Variants in EAF2 observed in about 807,000 individuals in gnomAD.
EAF2 encodes ELL associated factor 2, also known as ELL-associated factor 2.
EAF2 carries 29 observed loss-of-function variants against 29.4 expected under a neutral mutation model. That is an observed-to-expected ratio of 0.99 (90% CI 0.73 to 1.35). EAF2 has a LOEUF of 1.35. EAF2 is among the 40% of genes most tolerant of loss of function. The pLI is 0.00. For missense variants in EAF2, 292 were observed against 312.0 expected (o/e 0.94, Z 0.48); for synonymous variants, 103 against 102.5 (o/e 1.00, Z -0.03).
At chr3:121,841,460 G>A (rs1195463408) in intron 1 of EAF2, among the ~76,000 whole-genome samples, 3 of 136,484 alleles carry the variant, frequency 2.2e-5, no homozygotes, top group Non-Finnish European at 4.6e-5. Context: ...AGCCGAAATC[G>A]CGCCACTGTA....
intron 4 of EAF2, among the ~76,000 whole-genome samples, chr3:121,863,071 G>A (rs1172220454): frequency 6.6e-6 from 1 of 152,100 alleles, no homozygotes; most frequent in African/African-American, 2.4e-5. Context: ...CGTCTCAGAG[G>A]GGCACTTGGC....
chr3:121,875,717 A>G (rs1709083653), intron 5 of EAF2, among the ~76,000 whole-genome samples: 2 of 152,030 alleles, frequency 1.3e-5, no homozygotes, highest in East Asian at 1.9e-4. Flanking sequence ...TACAGCTTTT[A>G]AAAGAATGAT....
intron 4 of EAF2, among the ~76,000 whole-genome samples, chr3:121,857,595 C>T (rs191537516): frequency 1.3e-4 from 20 of 151,658 alleles, no homozygotes; most frequent in Admixed American, 2.6e-4. Context: ...TTTGTAATTA[C>T]GCATTTTTCT....
chr3:121,883,819 T>C (rs928900025), intron 5 of EAF2, among the ~76,000 whole-genome samples: 3 of 152,250 alleles, frequency 2.0e-5, no homozygotes, highest in South Asian at 4.1e-4. Context: ...ACAGCTATGA[T>C]TGAAAACATA....
At chr3:121,846,335 A>G (rs1708528716) in intron 2 of EAF2, among the ~76,000 whole-genome samples, 1 of 152,194 alleles carries the variant, frequency 6.6e-6, no homozygotes, top group Non-Finnish European at 1.5e-5. Flanking sequence ...TCTCTCTGGA[A>G]CTGAAGGAAA....
chr3:121,859,464 C>T (rs2107523572), intron 4 of EAF2, among the ~76,000 whole-genome samples: 1 of 152,152 alleles, frequency 6.6e-6, no homozygotes, highest in Middle Eastern at 3.4e-3. Context: ...TGATTTGGCT[C>T]TCTGTTTGTT....
chr3:121,857,397 T>A (rs981295847), intron 4 of EAF2, among the ~76,000 whole-genome samples: 8 of 149,770 alleles, frequency 5.3e-5, no homozygotes, highest in Non-Finnish European at 1.2e-4. Flanking sequence ...GAGGCTGAGG[T>A]AGAAGAATCA....
chr3:121,851,360 T>C (rs116415334), intron 2 of EAF2, among the ~76,000 whole-genome samples: 1 of 151,794 alleles, frequency 6.6e-6, no homozygotes, highest in East Asian at 1.9e-4. Flanking sequence ...AGTTTTTTTT[T>C]TGTGGACACA....
At chr3:121,859,970 A>G (rs778359546) in intron 4 of EAF2, among the ~76,000 whole-genome samples, 9 of 152,168 alleles carry the variant, frequency 5.9e-5, no homozygotes, top group South Asian at 2.1e-4. Flanking sequence ...GTGATGGATT[A>G]TGTTTATTGA....
intron 5 of EAF2, among the ~76,000 whole-genome samples, chr3:121,879,611 T>C (rs1317540870): frequency 2.2e-5 from 1 of 46,054 alleles, no homozygotes; most frequent in Non-Finnish European, 6.0e-5. Context: ...TTCTTTTCTT[T>C]CTTTCTTTCT....
intron 4 of EAF2, among the ~76,000 whole-genome samples, chr3:121,861,117 G>A (rs868241090): frequency 1.4e-4 from 22 of 152,292 alleles, no homozygotes; most frequent in African/African-American, 5.3e-4. Flanking sequence ...GAATAAGTGT[G>A]ATGTGGTTCT....
chr3:121,845,459 A>AAAAAAAAAAAAAAAAAAAAAAAAG (rs71133578), intron 2 of EAF2, among the ~76,000 whole-genome samples: 19 of 96,600 alleles, frequency 2.0e-4, no homozygotes, highest in Non-Finnish European at 2.4e-4. Flanking sequence ...AAAAAAAAAA[A>AAAAAAAAAAAAAAAAAAAAAAAAG]AAAGAAAGAA....
At chr3:121,841,875 G>A (rs6769102) in intron 1 of EAF2, among the ~76,000 whole-genome samples, 37,305 of 151,718 alleles carry the variant, frequency 0.25, 4,864 homozygotes, top group Non-Finnish European at 0.28. Flanking sequence ...ATATGGTGGT[G>A]CACGCCCGTA....
At chr3:121,859,984 G>C (rs1249219404) in intron 4 of EAF2, among the ~76,000 whole-genome samples, 1 of 152,170 alleles carries the variant, frequency 6.6e-6, no homozygotes, top group East Asian at 1.9e-4. Context: ...TTATTGATTG[G>C]CATATGTTGA....
intron 5 of EAF2, among the ~76,000 whole-genome samples, chr3:121,882,459 A>T (rs1399761561): frequency 6.6e-6 from 1 of 152,122 alleles, no homozygotes; most frequent in Non-Finnish European, 1.5e-5. Context: ...TCCTACAAAC[A>T]TCATACTAAT....
chr3:121,849,849 A>T (rs1708594845), intron 2 of EAF2, among the ~76,000 whole-genome samples: 3 of 151,730 alleles, frequency 2.0e-5, no homozygotes, highest in African/African-American at 7.2e-5. Context: ...TTAATGAAGT[A>T]TATCTTTAAT....
chr3:121,885,573 C>T (rs1231221867), intron 5 of EAF2, among the ~76,000 whole-genome samples: 1 of 152,194 alleles, frequency 6.6e-6, no homozygotes, highest in East Asian at 1.9e-4. Flanking sequence ...TCCATTCCAC[C>T]CACAGTGGCC....
At chr3:121,838,643 C>A (rs1247453053) in intron 1 of EAF2, among the ~76,000 whole-genome samples, 1 of 152,134 alleles carries the variant, frequency 6.6e-6, no homozygotes, top group Non-Finnish European at 1.5e-5. Context: ...ATTTTGCATA[C>A]ATTTGTCTCT....
rs528671100 is a variant in EAF2 at position 121,860,079 on chromosome 3, T to C, written c.484+2923T>C. On this transcript the variant is annotated intron_variant, in intron 4 of 5. Transcript: ENST00000273668. ...TGCTGCTGGATTCAATTTGCCAGTATTTTATTGAGGATTTTCACATCGGTG... is the reference window on the plus strand; with the variant it reads ...TGCTGCTGGATTCAATTTGCCAGTACTTTATTGAGGATTTTCACATCGGTG... Among the ~76,000 whole-genome samples, 3 of 152,336 alleles carry C rather than the reference T, an allele frequency of 2.0e-5. No homozygotes were observed. The East Asian group carries it at 5.8e-4, about 29-fold the overall frequency.
Sources: gnomAD v4.1 joint callset for allele counts (sites outside exome capture counted in the v4.1 genomes callset) on GRCh38, gnomAD v4.1.1 for gene constraint, MANE v1.5 for transcripts, NCBI Gene and HGNC (gene_info 2026-07-23, HGNC 2026-07-21) for gene names.